The following ATP2B2 variants were observed in gnomAD, a reference collection of about 807,000 sequenced individuals.
ATP2B2 encodes the protein ATPase plasma membrane Ca2+ transporting 2.
A neutral mutation model predicts 120.0 loss-of-function variants in ATP2B2; 15 were observed. The ratio of observed to expected loss-of-function variants is 0.12; its 90% CI spans 0.08 to 0.19. ATP2B2 has a LOEUF of 0.19. ATP2B2 is among the 10% of genes least tolerant of loss of function. The pLI is 1.00. For missense variants in ATP2B2, 1,045 were observed against 1,719.8 expected, an observed-to-expected ratio of 0.61 and a Z score of 6.94; for synonymous variants, 694 against 700.3, an observed-to-expected ratio of 0.99 and a Z score of 0.14.
chr3:10,341,518 C>A (rs1248894486), intron 19 of ATP2B2, among the ~76,000 whole-genome samples: 1 of 152,144 alleles, frequency 6.6e-6, no homozygotes, highest in Non-Finnish European at 1.5e-5. Flanking sequence ...TCCATGTTGG[C>A]CATGCTGGTC....
At chr3:10,438,680 A>G (rs2063553616) in intron 2 of ATP2B2, among the ~76,000 whole-genome samples, 1 of 152,226 alleles carries the variant, frequency 6.6e-6, no homozygotes, top group African/African-American at 2.4e-5. Context: ...GAGGGCCTGT[A>G]TAAATAACTT....
At chr3:10,643,000 T>C (rs968884419) in intron 1 of ATP2B2, among the ~76,000 whole-genome samples, 2 of 152,092 alleles carry the variant, frequency 1.3e-5, no homozygotes, top group Non-Finnish European at 2.9e-5. Context: ...GCAGGCCAGG[T>C]TCAGGATGAG....
chr3:10,349,994 G>A, intron 16 of ATP2B2, 118 bp downstream of exon 16: 1 of 1,013,806 alleles, frequency 9.9e-7, no homozygotes, highest in African/African-American at 1.6e-5. Flanking sequence ...CAGGTGTGGA[G>A]AGTCAGGGGC....
At chr3:10,476,749 G>GA (rs1311844671) in intron 1 of ATP2B2, among the ~76,000 whole-genome samples, 24 of 152,228 alleles carry the variant, frequency 1.6e-4, no homozygotes. Flanking sequence ...CTAGTTTAGA[G>GA]GAAATTAAAT....
chr3:10,442,404 C>T (rs2063699042), intron 2 of ATP2B2, among the ~76,000 whole-genome samples: 2 of 152,360 alleles, frequency 1.3e-5, no homozygotes, highest in East Asian at 1.9e-4. Context: ...CGTGCTCTCC[C>T]TGCCACCCCG....
intron 2 of ATP2B2, among the ~76,000 whole-genome samples, chr3:10,562,497 G>C (rs1417564715): frequency 1.3e-5 from 2 of 152,140 alleles, no homozygotes; most frequent in Non-Finnish European, 2.9e-5. Context: ...TGGGGAAGGA[G>C]GGAAGACTCA....
At position 10,375,752 on chromosome 3, in the gene ATP2B2, C is replaced by T; in HGVS notation, c.1202-108G>A. The stretch of plus-strand genomic sequence containing the variant: ...GCTCCGGGTCAGGCTGACCCCAGCT[C>T]ACCTCCCAGCTCTGCCACTCCTTGC... On this transcript the variant is annotated intron_variant, in intron 10 of 22. Coordinates refer to ENST00000360273, the MANE Select transcript of ATP2B2 (RefSeq NM_001001331.4). The surrounding 1 kb of genome is among the most constrained non-coding windows in gnomAD (Gnocchi z 4.2). The T allele has an allele frequency of 1.1e-6, 1 of 947,302 alleles. No homozygotes were observed. The highest frequency in any genetic ancestry group is 1.7e-6 in the Non-Finnish European group (1 of 599,894). The allele number at this position is 947,302 out of a possible 1,614,324, so 58.7% of individuals were successfully genotyped here.
chr3:10,470,160 C>T (rs144549518), intron 1 of ATP2B2, among the ~76,000 whole-genome samples: 1,761 of 152,150 alleles, frequency 0.012, 12 homozygotes, highest in Middle Eastern at 0.024. Context: ...CTGTCTCTGA[C>T]GAGGAGGTTG....
intron 2 of ATP2B2, among the ~76,000 whole-genome samples, chr3:10,582,045 G>C (rs1162231916): frequency 6.6e-6 from 1 of 152,228 alleles, no homozygotes; most frequent in African/African-American, 2.4e-5. Flanking sequence ...AGAGAGGTGA[G>C]CCTGAACCGC....
chr3:10,449,683 G>A lies in ATP2B2; in HGVS notation c.-140C>T, dbSNP rs189203545. 3.9e-6 allele frequency: 4 copies of A among 1,017,648 alleles called. No individual in the cohort carries two copies. Among genetic ancestry groups the A allele is most frequent in the Non-Finnish European group, 3.0e-6 (2 of 664,920 alleles). The allele number at this position is 1,017,648 out of a possible 1,614,324, so 63.0% of individuals were successfully genotyped here. ...CCAGGCGGCCGACTCCGGGTCCCGG[G>A]GGGTGGGGGTGGCCGAGGCGGGCTG... is the stretch of plus-strand genomic sequence containing the variant. On this transcript the variant is annotated 5_prime_UTR_variant, in exon 2 of 23. Coordinates refer to ENST00000360273, the MANE Select transcript of ATP2B2 (RefSeq NM_001001331.4).
chr3:10,384,759 C>T (rs905589256), intron 8 of ATP2B2, among the ~76,000 whole-genome samples: 1 of 152,252 alleles, frequency 6.6e-6, no homozygotes, highest in Non-Finnish European at 1.5e-5. Flanking sequence ...AAACTGTTTA[C>T]TGCTGGCTCA....
chr3:10,572,075 C>A (rs1284378364), intron 2 of ATP2B2, among the ~76,000 whole-genome samples: 1 of 152,200 alleles, frequency 6.6e-6, no homozygotes, highest in African/African-American at 2.4e-5. Flanking sequence ...TGGGTTTCCA[C>A]CTGCCCCCAT....
At chr3:10,456,725 C>CCAG (rs1378082379) in intron 1 of ATP2B2, among the ~76,000 whole-genome samples, 2 of 152,248 alleles carry the variant, frequency 1.3e-5, no homozygotes, top group Non-Finnish European at 2.9e-5. Flanking sequence ...GGGGAGGCCT[C>CCAG]CAGCTTGTTG....
At chr3:10,533,921 G>T (rs2067258576) in intron 3 of ATP2B2, 1 of 152,220 alleles carries the variant, frequency 6.6e-6, no homozygotes, top group Non-Finnish European at 1.5e-5. Flanking sequence ...TGACAGAGAG[G>T]ACAGCTGCTT....
chr3:10,534,863 C>T (rs1175442480), intron 2 of ATP2B2, among the ~76,000 whole-genome samples: 2 of 149,726 alleles, frequency 1.3e-5, no homozygotes, highest in Non-Finnish European at 3.0e-5. Flanking sequence ...GCTTCCTTCT[C>T]TCTCTCTCTC....
intron 2 of ATP2B2, among the ~76,000 whole-genome samples, chr3:10,445,280 T>A (rs1026499687): frequency 1.3e-5 from 2 of 152,192 alleles, no homozygotes; most frequent in Admixed American, 1.3e-4. Context: ...TTCATTGAGG[T>A]TCAGAGAGGT....
At chr3:10,605,896 G>A (rs551449468) in intron 2 of ATP2B2, among the ~76,000 whole-genome samples, 1 of 152,248 alleles carries the variant, frequency 6.6e-6, no homozygotes, top group South Asian at 2.1e-4. Context: ...TGATCTGCCT[G>A]CCTCAGCCTC....
At chr3:10,571,704 C>T (rs1384826729) in intron 2 of ATP2B2, among the ~76,000 whole-genome samples, 2 of 152,164 alleles carry the variant, frequency 1.3e-5, no homozygotes, top group South Asian at 2.1e-4. Context: ...GTGGGGAGGT[C>T]GGGTGCTCCC....
intron 1 of ATP2B2, among the ~76,000 whole-genome samples, chr3:10,462,619 C>T (rs530939665): frequency 5.9e-5 from 9 of 152,220 alleles, no homozygotes; most frequent in Non-Finnish European, 1.3e-4. Flanking sequence ...GAGACTGAGG[C>T]TCAGAGAGGT....
Sources: gnomAD v4.1 joint callset for allele counts (sites outside exome capture counted in the v4.1 genomes callset) on GRCh38, gnomAD v4.1.1 for gene constraint, Gnocchi (gnomAD v3.1) non-coding constraint, MANE v1.5 for transcripts, NCBI Gene and HGNC (gene_info 2026-07-23, HGNC 2026-07-21) for gene names.